Variants in LSG1 observed in about 807,000 individuals in gnomAD.
LSG1 encodes large 60S subunit nuclear export GTPase 1.
Under a neutral mutation model 82.6 loss-of-function variants are expected in LSG1, and 55 were observed. The ratio of observed to expected loss-of-function variants is 0.67; its 90% CI spans 0.54 to 0.83. LSG1 has a LOEUF of 0.83. LSG1 is among the 40% of genes least tolerant of loss of function. The probability of loss-of-function intolerance (pLI) is 0.00; values close to 1 mark genes in which losing one functional copy is unlikely to be tolerated. For synonymous variants in LSG1, 272 were observed against 282.5 expected, an observed-to-expected ratio of 0.96 and a Z score of 0.37; for missense variants, 809 against 807.9, an observed-to-expected ratio of 1.00 and a Z score of -0.02.
At chr3:194,643,589 A>G (rs1218560087) in intron 13 of LSG1, among the ~76,000 whole-genome samples, 2 of 152,222 alleles carry the variant, frequency 1.3e-5, no homozygotes, top group African/African-American at 4.8e-5. Flanking sequence ...GAAACCTCCT[A>G]CATCACTGGG....
chr3:194,644,816 A>C, intron 12 of LSG1, 70 bp from the exon 13 acceptor site: 2 of 1,268,438 alleles, frequency 1.6e-6, no homozygotes, highest in Non-Finnish European at 2.2e-6. Context: ...AGACAGCTCC[A>C]CCCAGTCACA....
rs748564727 is a variant in LSG1 at position 194,672,130 on chromosome 3, C to G, written c.33G>C (p.Ser11=). Residue 11 remains serine (S), a synonymous_variant, in exon 1 of 14, where the codon TCG becomes TCC. Coordinates refer to ENST00000265245, the MANE Select transcript of LSG1 (RefSeq NM_018385.3). ...GATGGCGCATAAGGGCCCGTCCCAGCGACCCACCGGCCGGGGCTCTCCTCC... is the reference window on the plus strand; with the variant it reads ...GATGGCGCATAAGGGCCCGTCCCAGGGACCCACCGGCCGGGGCTCTCCTCC... MGRRRAPAGG[S]LGRALMRHQT... is the part of the protein sequence containing the mutation. 6.2e-7 allele frequency: 1 copy of G among 1,606,740 alleles called. No individual in the cohort carries two copies. Among genetic ancestry groups the G allele is most frequent in the Admixed American group, 1.7e-5 (1 of 60,014 alleles).
At chr3:194,669,007 A>G (rs937793465) in intron 2 of LSG1, among the ~76,000 whole-genome samples, 3 of 151,776 alleles carry the variant, frequency 2.0e-5, no homozygotes, top group African/African-American at 7.2e-5. Context: ...TCATAGAAGC[A>G]GAGAGAAAAT....
intron 2 of LSG1, among the ~76,000 whole-genome samples, chr3:194,669,330 C>T (rs1305028424): frequency 6.6e-6 from 1 of 152,068 alleles, no homozygotes; most frequent in Non-Finnish European, 1.5e-5. Context: ...TTTTTAGTTG[C>T]CAATTGTGTA....
intron 6 of LSG1, among the ~76,000 whole-genome samples, chr3:194,659,489 G>C (rs905229597): frequency 2.0e-5 from 3 of 151,984 alleles, no homozygotes; most frequent in Non-Finnish European, 4.4e-5. Flanking sequence ...CAAAAAATTA[G>C]ATCTATAAGA....
At chr3:194,660,995 C>A (rs2108620248) in intron 5 of LSG1, 2 of 434,510 alleles carry the variant, frequency 4.6e-6, no homozygotes, top group South Asian at 3.2e-5. Context: ...AGGACATAAG[C>A]TACAGATGCA....
chr3:194,646,429 A>G (rs899618113), intron 11 of LSG1, 186 bp from the exon 12 acceptor site: 1 of 486,168 alleles, frequency 2.1e-6, no homozygotes, highest in African/African-American at 2.0e-5. Context: ...ATTTACTTAT[A>G]TCTGATATCC....
At chr3:194,650,076 C>T (rs982684184) in intron 10 of LSG1, among the ~76,000 whole-genome samples, 1 of 152,126 alleles carries the variant, frequency 6.6e-6, no homozygotes, top group Non-Finnish European at 1.5e-5. Flanking sequence ...TGCACCACCA[C>T]GCCCAGCTAA....
intron 12 of LSG1, chr3:194,645,545 C>CACAG (rs1718518536): frequency 2.1e-5 from 1 of 47,462 alleles, no homozygotes; most frequent in African/African-American, 7.6e-5. Context: ...GACACACACA[C>CACAG]ACACACACAC....
chr3:194,650,810 A>T, intron 10 of LSG1, 71 bp downstream of exon 10: 2 of 1,493,086 alleles, frequency 1.3e-6, no homozygotes, highest in South Asian at 2.6e-5. Context: ...GAATCCCTCA[A>T]ATGCCCAAAA....
intron 2 of LSG1, among the ~76,000 whole-genome samples, chr3:194,667,769 A>G (rs564216738): frequency 1.2e-3 from 181 of 151,038 alleles, no homozygotes; most frequent in African/African-American, 4.2e-3. Flanking sequence ...GTAAAAATAC[A>G]AAAATTAGCC....
At chr3:194,662,936 G>A (rs1434152736) in intron 5 of LSG1, among the ~76,000 whole-genome samples, 3 of 152,174 alleles carry the variant, frequency 2.0e-5, no homozygotes, top group African/African-American at 7.2e-5. Context: ...TTGTCAACCG[G>A]CTTTGTAATG....
intron 8 of LSG1, chr3:194,651,668 A>T (rs996148931): frequency 6.8e-6 from 1 of 147,652 alleles, no homozygotes; most frequent in Non-Finnish European, 1.5e-5. Flanking sequence ...CAGGTGATCA[A>T]TAAGTGTCTG....
intron 7 of LSG1, among the ~76,000 whole-genome samples, chr3:194,656,021 C>A (rs943260301): frequency 6.6e-6 from 1 of 152,126 alleles, no homozygotes; most frequent in South Asian, 2.1e-4. Flanking sequence ...TAAAGACTTA[C>A]ATGTTAGACC....
intron 7 of LSG1, 59 bp downstream of exon 7, chr3:194,658,898 A>G: frequency 6.9e-7 from 1 of 1,454,842 alleles, no homozygotes; most frequent in South Asian, 1.3e-5. Context: ...AACGAAGCAC[A>G]TTAACAAGAA....
At position 194,644,753 on chromosome 3, in the gene LSG1, A is replaced by C. The variant is rs573365007; in HGVS notation, c.1624-7T>G. 6.3e-5 allele frequency: 100 copies of C among 1,598,906 alleles called. 3 individuals carry two copies. In the South Asian group the frequency reaches 1.1e-3, roughly 18 times the overall value. On this transcript the variant is annotated splice_region_variant and splice_polypyrimidine_tract_variant and intron_variant, in intron 12 of 13. Transcript: ENST00000265245. ...GGCAGTACAGCAGCTTACCCTACAA[A>C]GACAACATGAATGACAACAGTGCAG...
At chr3:194,669,927 T>C in intron 2 of LSG1, 82 bp downstream of exon 2, 3 of 1,509,456 alleles carry the variant, frequency 2.0e-6, no homozygotes, top group East Asian at 2.3e-5. Context: ...CGAGACTCCA[T>C]CTCAAAACAA....
chr3:194,671,940 C>CCAG, intron 1 of LSG1, 124 bp downstream of exon 1: 1 of 845,594 alleles, frequency 1.2e-6, no homozygotes, highest in South Asian at 1.4e-5. Flanking sequence ...GCAGAAACTC[C>CCAG]AACTCATCCT....
chr3:194,654,032 A>T (rs1201026856), intron 7 of LSG1, among the ~76,000 whole-genome samples: 2 of 152,124 alleles, frequency 1.3e-5, no homozygotes, highest in African/African-American at 4.8e-5. Flanking sequence ...CACATTTAAC[A>T]TACTCCTCTC....
Sources: allele counts gnomAD v4.1 joint callset (sites outside exome capture counted in the v4.1 genomes callset), GRCh38; gene constraint gnomAD v4.1.1; transcripts MANE v1.5; gene names NCBI Gene and HGNC (gene_info 2026-07-23, HGNC 2026-07-21).